Variants in CCDC191 observed in about 807,000 individuals in gnomAD.
CCDC191 encodes the protein coiled-coil domain-containing protein 191.
A neutral mutation model predicts 114.0 loss-of-function variants in CCDC191; 99 were observed. That is an observed-to-expected ratio of 0.87 (90% CI 0.74 to 1.03). The LOEUF (loss-of-function observed/expected upper bound fraction) is 1.03. Ranked by LOEUF, CCDC191 falls within the 50% of genes least tolerant of loss-of-function variation. CCDC191 has a pLI of 0.00. For synonymous variants in CCDC191, 351 were observed against 376.0 expected (o/e 0.93, Z 0.77); for missense variants, 973 against 1,087.0 (o/e 0.90, Z 1.47).
chr3:114,001,836 A>G, intron 12 of CCDC191, 140 bp from the exon 13 acceptor site: 1 of 1,014,638 alleles, frequency 9.9e-7, no homozygotes, highest in East Asian at 2.5e-5. Flanking sequence ...ATAAAAGTAG[A>G]AAACTCAATC....
intron 2 of CCDC191, among the ~76,000 whole-genome samples, chr3:114,047,979 GA>G (rs1307010791): frequency 1.3e-5 from 2 of 151,558 alleles, no homozygotes; most frequent in Non-Finnish European, 2.9e-5. Flanking sequence ...TGTCTCAAAA[GA>G]AAAAAAATGT....
intron 16 of CCDC191, among the ~76,000 whole-genome samples, chr3:113,976,396 G>A (rs1258036610): frequency 2.6e-5 from 4 of 152,066 alleles, no homozygotes; most frequent in Admixed American, 6.6e-5. Context: ...AGTTCAGGGA[G>A]CAACCTTTTG....
In CCDC191 at chr3:114,027,483, G is replaced by A. The variant is rs145486722; in HGVS notation, c.972+4143C>T. Among the ~76,000 whole-genome samples, 252 of 151,684 alleles carry A rather than the reference G, an allele frequency of 1.7e-3. 5 individuals carry two copies. In the East Asian group the frequency reaches 0.027, roughly 16 times the overall value. On this transcript the variant is annotated intron_variant, in intron 7 of 16. Coordinates refer to ENST00000295878, the MANE Select transcript of CCDC191 (RefSeq NM_020817.2). Reference sequence around the variant, plus strand: ...ACAAAAATTAGCTGGGTGTGGTGGCGTGTGCCTGTAATCCCAGCTGAGGCA... The same window carrying A: ...ACAAAAATTAGCTGGGTGTGGTGGCATGTGCCTGTAATCCCAGCTGAGGCA...
At position 114,042,855 on chromosome 3, in the gene CCDC191, A is replaced by C. The variant is rs2076581905; in HGVS notation, c.272-9T>G. 1.3e-6 allele frequency: 2 copies of C among 1,581,652 alleles called. No individual in the cohort carries two copies. Among genetic ancestry groups the C allele is most frequent in the Middle Eastern group, 1.7e-4 (1 of 6,004 alleles). On this transcript the variant is annotated splice_polypyrimidine_tract_variant and intron_variant, in intron 3 of 16. Coordinates refer to ENST00000295878, the MANE Select transcript of CCDC191 (RefSeq NM_020817.2). ...ATTGACCAGCTCCTGAGCTACAATA[A>C]AACAAAAACATGTTAAGTATTTCAG...
chr3:114,056,606 C>T (rs770407913), upstream of CCDC191: 19 of 1,575,580 alleles, frequency 1.2e-5, no homozygotes, highest in East Asian at 3.4e-4. Context: ...CCACCACTCC[C>T]ACGAGGCTCT....
intron 7 of CCDC191, among the ~76,000 whole-genome samples, chr3:114,023,723 T>C (rs2076277258): frequency 6.6e-6 from 1 of 152,152 alleles, no homozygotes; most frequent in South Asian, 2.1e-4. Flanking sequence ...GATTAAAGAC[T>C]TAAATGTTAG....
intron 13 of CCDC191, among the ~76,000 whole-genome samples, chr3:113,983,694 C>T (rs1382535546): frequency 6.6e-6 from 1 of 152,212 alleles, no homozygotes; most frequent in Non-Finnish European, 1.5e-5. Context: ...ATTCTAACAT[C>T]TACGTAAGTA....
At chr3:114,021,705 C>G (rs2076246825) in intron 7 of CCDC191, among the ~76,000 whole-genome samples, 1 of 152,058 alleles carries the variant, frequency 6.6e-6, no homozygotes, top group South Asian at 2.1e-4. Flanking sequence ...TCCTGATGCT[C>G]CCAGGCCTGC....
At chr3:114,025,928 A>G (rs1370854224) in intron 7 of CCDC191, among the ~76,000 whole-genome samples, 1 of 152,218 alleles carries the variant, frequency 6.6e-6, no homozygotes, top group African/African-American at 2.4e-5. Flanking sequence ...TAAGACAATG[A>G]CGTGATGTCT....
At chr3:114,047,460 G>A (rs576309879) in intron 2 of CCDC191, among the ~76,000 whole-genome samples, 1 of 152,270 alleles carries the variant, frequency 6.6e-6, no homozygotes, top group Admixed American at 6.5e-5. Context: ...TCAGGAGTTT[G>A]AGACCAGCCT....
intron 9 of CCDC191, among the ~76,000 whole-genome samples, chr3:114,007,385 G>GA (rs1158511550): frequency 6.6e-6 from 1 of 152,142 alleles, no homozygotes; most frequent in East Asian, 1.9e-4. Flanking sequence ...GCTTTCCATA[G>GA]ACTCAACTGA....
At chr3:114,039,943 A>G (rs539608086) in intron 4 of CCDC191, among the ~76,000 whole-genome samples, 1 of 152,324 alleles carries the variant, frequency 6.6e-6, no homozygotes, top group Non-Finnish European at 1.5e-5. Flanking sequence ...CAGTGTTTTA[A>G]GTCTACAGTA....
intron 7 of CCDC191, among the ~76,000 whole-genome samples, chr3:114,026,668 C>T (rs1429567525): frequency 1.3e-5 from 2 of 152,108 alleles, no homozygotes; most frequent in African/African-American, 2.4e-5. Context: ...CTACAGTTTT[C>T]GTCATTCTGT....
In CCDC191 at chr3:113,991,264, C is replaced by A. The variant is rs1009022091; in HGVS notation, c.2163+10331G>T. ...AAAAAAGAAAAACAAACAAACCCCC[C>A]CCCCCAAAAACCAATTTCTTAACAA... On this transcript the variant is annotated intron_variant, in intron 13 of 16. Transcript: ENST00000295878. Among the ~76,000 whole-genome samples the A allele has an allele frequency of 6.2e-4, 88 of 142,240 alleles. 1 individual carries two copies. Among genetic ancestry groups the A allele is most frequent in the Admixed American group, 4.2e-4 (6 of 14,200 alleles). The allele number at this position is 142,240 out of a possible 152,430, so 93.3% of individuals were successfully genotyped here. A position where few individuals can be genotyped will look rare whatever the true frequency, so the allele number is the denominator to read the frequency against.
At chr3:113,992,752 C>A (rs1041481019) in intron 13 of CCDC191, among the ~76,000 whole-genome samples, 1 of 152,102 alleles carries the variant, frequency 6.6e-6, no homozygotes, top group Non-Finnish European at 1.5e-5. Flanking sequence ...AATGCCAATT[C>A]TTTTCAAACT....
At chr3:114,004,516 T>C in intron 11 of CCDC191, 121 bp downstream of exon 11, 1 of 1,476,486 alleles carries the variant, frequency 6.8e-7, no homozygotes, top group Non-Finnish European at 9.0e-7. Context: ...CTGAGATTTT[T>C]GATGTCAGGT....
chr3:113,993,658 G>A (rs2075638983), intron 13 of CCDC191, among the ~76,000 whole-genome samples: 1 of 152,146 alleles, frequency 6.6e-6, no homozygotes, highest in Non-Finnish European at 1.5e-5. Context: ...GCTGAGGTGG[G>A]TGGATCACTT....
intron 13 of CCDC191, among the ~76,000 whole-genome samples, chr3:113,997,694 T>G (rs2075759772): frequency 6.6e-6 from 1 of 152,216 alleles, no homozygotes; most frequent in Admixed American, 6.5e-5. Context: ...ACAGTATTTT[T>G]AATAACCCAA....
At chr3:113,980,055 A>G (rs1271905397) in intron 14 of CCDC191, among the ~76,000 whole-genome samples, 6 of 152,152 alleles carry the variant, frequency 3.9e-5, no homozygotes, top group Non-Finnish European at 8.8e-5. Context: ...TCTCTCCTCA[A>G]TGACTTTGAG....
Sources: gnomAD v4.1 joint callset for allele counts (sites outside exome capture counted in the v4.1 genomes callset) on GRCh38, gnomAD v4.1.1 for gene constraint, MANE v1.5 for transcripts, NCBI Gene and HGNC (gene_info 2026-07-23, HGNC 2026-07-21) for gene names.